Variants in GSTZ1 observed in about 807,000 individuals in gnomAD.
GSTZ1 encodes maleylacetoacetate isomerase.
A neutral mutation model predicts 35.9 loss-of-function variants in GSTZ1; 34 were observed. The ratio of observed to expected loss-of-function variants is 0.95; its 90% CI spans 0.72 to 1.26. GSTZ1 has a LOEUF of 1.26. Ranked by LOEUF, GSTZ1 falls within the 50% of genes most tolerant of loss-of-function variation. The pLI is 0.00. For synonymous variants in GSTZ1, 93 were observed against 101.2 expected (o/e 0.92, Z 0.49); for missense variants, 263 against 271.7 (o/e 0.97, Z 0.23).
At chr14:77,328,059 A>T in intron 5 of GSTZ1, 22 bp downstream of exon 5, 1 of 1,601,412 alleles carries the variant, frequency 6.2e-7, no homozygotes, top group Non-Finnish European at 8.5e-7. Flanking sequence ...GTACACTTGC[A>T]CCCTTGCACA....
chr14:77,329,072 A>G lies in GSTZ1; in HGVS notation c.343-51A>G, dbSNP rs1280571670. On this transcript the variant is annotated intron_variant, in intron 5 of 8. Transcript: ENST00000216465. ...CCCTGAGGGGGTTTGGCGAAGGGGT[A>G]GCCCCCACCCAGCTGTCAGCGCAAT... 3.1e-6 allele frequency: 4 copies of G among 1,289,564 alleles called. No homozygotes were observed. In the South Asian group the frequency reaches 4.7e-5, roughly 15 times the overall value. 79.9% of individuals were successfully genotyped at this position (1,289,564 alleles called of 1,614,324 possible). A position where few individuals can be genotyped will look rare whatever the true frequency, so the allele number is the denominator to read the frequency against.
At chr14:77,328,108 G>GC (rs1262556133) in intron 5 of GSTZ1, 71 bp downstream of exon 5, 3 of 1,519,740 alleles carry the variant, frequency 2.0e-6, no homozygotes, top group Non-Finnish European at 1.8e-6. Context: ...GCTGTGAGCT[G>GC]CCCAGTGTGG....
intron 7 of GSTZ1, 65 bp from the exon 8 acceptor site, chr14:77,330,245 C>A: frequency 8.9e-7 from 1 of 1,121,886 alleles, no homozygotes; most frequent in Non-Finnish European, 1.4e-6. Context: ...GCAGTGGACA[C>A]ACCCAGTCCA....
At chr14:77,324,186 G>A (rs8177552) in intron 1 of GSTZ1, 7,228 of 137,226 alleles carry the variant, frequency 0.053, 234 homozygotes, top group African/African-American at 0.096. Flanking sequence ...ACGCAGTCTC[G>A]CTCTGGAGTG....
At chr14:77,328,277 C>A in intron 5 of GSTZ1, 1 of 522,544 alleles carries the variant, frequency 1.9e-6, no homozygotes, top group African/African-American at 1.9e-5. Flanking sequence ...TGTACAGGTG[C>A]TTGGGGTGGG....
At chr14:77,321,350 G>A in intron 1 of GSTZ1, 167 bp downstream of exon 1, 1 of 1,533,632 alleles carries the variant, frequency 6.5e-7, no homozygotes, top group South Asian at 1.2e-5. Context: ...GCTGCCCGCT[G>A]GGGCTCGAAG....
At position 77,324,854 on chromosome 14, in the gene GSTZ1, T is replaced by C. The variant is rs1472779693; in HGVS notation, c.16-16T>C. 6.2e-7 allele frequency: 1 copy of C among 1,613,628 alleles called. No homozygotes were observed. The highest frequency in any genetic ancestry group is 2.2e-5 in the East Asian group (1 of 44,882). ...CAGCATGGGTTAACACGCGCCTTCA[T>C]CCTCTCTCTCCTCAGCCCATCCTCT... is the stretch of plus-strand genomic sequence containing the variant. On this transcript the variant is annotated splice_polypyrimidine_tract_variant and intron_variant, in intron 1 of 8. Coordinates refer to ENST00000216465, the MANE Select transcript of GSTZ1 (RefSeq NM_145870.3).
Position 77,324,312 on chromosome 14 carries a change from T to G in GSTZ1, c.16-558T>G, listed in dbSNP as rs115380617. 877 of 438,764 alleles carry G rather than the reference T, an allele frequency of 2.0e-3. 9 individuals carry two copies. The highest frequency in any genetic ancestry group is 0.016 in the African/African-American group (796 of 50,324). The allele number at this position is 438,764 out of a possible 1,614,324, so 27.2% of individuals were successfully genotyped here. A position where few individuals can be genotyped will look rare whatever the true frequency, so the allele number is the denominator to read the frequency against. On this transcript the variant is annotated intron_variant, in intron 1 of 8. Transcript: ENST00000216465. ...CACCCACTACCACACCTGGCTGATTTTTTTTTGTATTTTCAGTAGAGACAG... is the reference window on the plus strand; with the variant it reads ...CACCCACTACCACACCTGGCTGATTGTTTTTTGTATTTTCAGTAGAGACAG...
chr14:77,331,493 A>G lies in GSTZ1; in HGVS notation c.*298A>G. 3.1e-6 allele frequency: 1 copy of G among 324,372 alleles called. No individual in the cohort carries two copies. Among genetic ancestry groups the G allele is most frequent in the Non-Finnish European group, 5.8e-6 (1 of 173,154 alleles). 20.1% of individuals were successfully genotyped at this position (324,372 alleles called of 1,614,324 possible). ...TGCCTGGCGTGCTCACCGTAACACC[A>G]CGGGGAAGGCTGTGTGCCTTTTCTC... On this transcript the variant is annotated 3_prime_UTR_variant, in exon 9 of 9. Transcript: ENST00000216465.
chr14:77,323,294 A>C (rs1555357059), intron 1 of GSTZ1: 1 of 152,200 alleles, frequency 6.6e-6, no homozygotes, highest in Non-Finnish European at 1.5e-5. Flanking sequence ...TTAAAGAAAA[A>C]AAACAAACAG....
At chr14:77,330,606 T>C (rs1892573659) in intron 8 of GSTZ1, among the ~76,000 whole-genome samples, 1 of 152,194 alleles carries the variant, frequency 6.6e-6, no homozygotes, top group African/African-American at 2.4e-5. Flanking sequence ...GTGGCTCACC[T>C]GGTGGACCCC....
At chr14:77,329,651 C>T (rs542352387) in intron 6 of GSTZ1, 104 bp from the exon 7 acceptor site, 6 of 853,956 alleles carry the variant, frequency 7.0e-6, no homozygotes, top group South Asian at 4.1e-5. Context: ...CCCAGTCTGT[C>T]ACTCAGTTGG....
At chr14:77,330,625 C>T (rs528135177) in intron 8 of GSTZ1, among the ~76,000 whole-genome samples, 1 of 152,284 alleles carries the variant, frequency 6.6e-6, no homozygotes, top group Non-Finnish European at 1.5e-5. Flanking sequence ...CCCAAGAGCA[C>T]CTGCCTGATG....
intron 5 of GSTZ1, chr14:77,328,395 G>T: frequency 1.3e-5 from 3 of 239,766 alleles, no homozygotes; most frequent in Non-Finnish European, 1.6e-5. Context: ...TCATATACTG[G>T]GATACTTGTA....
chr14:77,326,622 G>T, intron 2 of GSTZ1: 1 of 536,858 alleles, frequency 1.9e-6, no homozygotes, highest in Non-Finnish European at 3.4e-6. Context: ...AGAGTTCAGG[G>T]GTGAGTGAGG....
At position 77,327,558 on chromosome 14, in the gene GSTZ1, T is replaced by C; in HGVS notation, c.216+6T>C. The C allele has an allele frequency of 6.3e-7, 1 of 1,584,922 alleles. No individual in the cohort carries two copies. Among genetic ancestry groups the C allele is most frequent in the Non-Finnish European group, 8.6e-7 (1 of 1,157,550 alleles). On this transcript the variant is annotated splice_donor_region_variant and intron_variant, in intron 4 of 8. Coordinates refer to ENST00000216465, the MANE Select transcript of GSTZ1 (RefSeq NM_145870.3). Reference sequence around the variant, plus strand: ...GAATCACCATTCACCAGTCAGTGAGTGCAGGGCCTGGGGGAGGGCCCTCAT... The same window carrying C: ...GAATCACCATTCACCAGTCAGTGAGCGCAGGGCCTGGGGGAGGGCCCTCAT...
rs565910989 is a variant in GSTZ1 at position 77,331,419 on chromosome 14, T to C, written c.*224T>C. On this transcript the variant is annotated 3_prime_UTR_variant, in exon 9 of 9. Transcript: ENST00000216465. ...AGCAGGGTGGGCAGGAATACTGTTA[T>C]CTATGTGACGGGGCAGTCGTGAGGC... 17 of 510,178 alleles carry C rather than the reference T, an allele frequency of 3.3e-5. No individual in the cohort carries two copies. Among genetic ancestry groups the C allele is most frequent in the African/African-American group, 2.8e-4 (15 of 52,832 alleles). The allele number at this position is 510,178 out of a possible 1,614,324, so 31.6% of individuals were successfully genotyped here.
chr14:77,328,778 C>T, intron 5 of GSTZ1: 1 of 322,276 alleles, frequency 3.1e-6, no homozygotes, highest in Non-Finnish European at 6.0e-6. Flanking sequence ...CACAAGGGAC[C>T]ATGCAAGGGA....
chr14:77,329,119 A>G lies in GSTZ1; in HGVS notation c.343-4A>G. ...CAATCACAGATTTTCTTTGGGCTGC[A>G]CAGAACCTGTCTGTCCTGAAGCAAG... On this transcript the variant is annotated splice_region_variant and splice_polypyrimidine_tract_variant and intron_variant, in intron 5 of 8. Coordinates refer to ENST00000216465, the MANE Select transcript of GSTZ1 (RefSeq NM_145870.3). 2 of 1,607,822 alleles carry G rather than the reference A, an allele frequency of 1.2e-6. No homozygotes were observed. Among genetic ancestry groups the G allele is most frequent in the Non-Finnish European group, 1.7e-6 (2 of 1,174,156 alleles).
Sources: gnomAD v4.1 joint callset for allele counts (sites outside exome capture counted in the v4.1 genomes callset) on GRCh38, gnomAD v4.1.1 for gene constraint, MANE v1.5 for transcripts, NCBI Gene and HGNC (gene_info 2026-07-23, HGNC 2026-07-21) for gene names.